The following TSPEAR variants were observed in gnomAD, a reference collection of about 807,000 sequenced individuals.
TSPEAR encodes thrombospondin type laminin G domain and EAR repeats.
TSPEAR carries 69 observed loss-of-function variants against 71.6 expected under a neutral mutation model. That is an observed-to-expected ratio of 0.96 (90% CI 0.79 to 1.18). The LOEUF (loss-of-function observed/expected upper bound fraction) is 1.18. Ranked by LOEUF, TSPEAR falls within the 50% of genes most tolerant of loss-of-function variation. The probability of loss-of-function intolerance (pLI) is 0.00; values close to 1 mark genes in which losing one functional copy is unlikely to be tolerated. For synonymous variants in TSPEAR, 402 were observed against 387.2 expected (o/e 1.04, Z -0.45); for missense variants, 971 against 894.9 (o/e 1.09, Z -1.09).
intron 1 of TSPEAR, among the ~76,000 whole-genome samples, chr21:44,592,956 C>T (rs1980096319): frequency 6.6e-6 from 1 of 152,214 alleles, no homozygotes; most frequent in African/African-American, 2.4e-5. Context: ...CCTTCATTGA[C>T]CTGCCCTGGG....
intron 1 of TSPEAR, among the ~76,000 whole-genome samples, chr21:44,645,059 T>C (rs1555939221): frequency 1.3e-5 from 2 of 152,196 alleles, no homozygotes; most frequent in Non-Finnish European, 2.9e-5. Context: ...AAAACCAGAA[T>C]TTTATACCCA....
intron 1 of TSPEAR, chr21:44,647,078 T>C: frequency 6.2e-7 from 1 of 1,612,808 alleles, no homozygotes; most frequent in Non-Finnish European, 8.5e-7. Flanking sequence ...TGTGTGCCTG[T>C]CTGCTCTAGG....
At chr21:44,619,164 G>T (rs1319346012) in intron 1 of TSPEAR, among the ~76,000 whole-genome samples, 1 of 152,180 alleles carries the variant, frequency 6.6e-6, no homozygotes, top group Non-Finnish European at 1.5e-5. Context: ...CTGAAGGCGT[G>T]GACCAACATA....
intron 2 of TSPEAR, among the ~76,000 whole-genome samples, chr21:44,543,015 A>C (rs1170960616): frequency 6.6e-6 from 1 of 152,220 alleles, no homozygotes; most frequent in Non-Finnish European, 1.5e-5. Context: ...AAAGAAAAGA[A>C]GCACAAAGCT....
chr21:44,646,968 G>A (rs960439483), intron 1 of TSPEAR: 1 of 1,612,988 alleles, frequency 6.2e-7, no homozygotes, highest in Non-Finnish European at 8.5e-7. Context: ...CATGCTGCCA[G>A]CAGTCTAGCT....
At chr21:44,634,384 G>A (rs1444176245) in intron 1 of TSPEAR, among the ~76,000 whole-genome samples, 2 of 152,190 alleles carry the variant, frequency 1.3e-5, no homozygotes, top group African/African-American at 4.8e-5. Flanking sequence ...AAAATTCTTA[G>A]AAGGAAACAT....
chr21:44,708,057 G>A (rs566405656), intron 1 of TSPEAR, among the ~76,000 whole-genome samples: 29 of 136,666 alleles, frequency 2.1e-4, no homozygotes, highest in Non-Finnish European at 3.2e-4. Context: ...CACACAGCAC[G>A]AGGCGACAGA....
rs144449038 is a variant in TSPEAR at position 44,527,335 on chromosome 21, G to A, written c.1106C>T (p.Thr369Met). Residue 369 changes from threonine to methionine, a missense_variant, in exon 7 of 12, where the codon ACG (threonine) becomes ATG (methionine). Transcript: ENST00000323084. Reference sequence around the variant, plus strand: ...ATGCCTCCAGGCCTGTGCTTGGTGCGTGGGGATGTTCTGATATGAGACGAA... The same window carrying A: ...ATGCCTCCAGGCCTGTGCTTGGTGCATGGGGATGTTCTGATATGAGACGAA... ...EKFVSYQNIP[T>M]HQAQAWRHFT... 246 of 1,614,188 alleles carry A rather than the reference G, an allele frequency of 1.5e-4. No homozygotes were observed. The highest frequency in any genetic ancestry group is 2.0e-4 in the Non-Finnish European group (232 of 1,180,040).
chr21:44,534,099 C>T (rs1212200954), intron 2 of TSPEAR, among the ~76,000 whole-genome samples, 176 bp from the exon 3 acceptor site: 1 of 128,436 alleles, frequency 7.8e-6, no homozygotes, highest in Admixed American at 8.0e-5. Context: ...TAGGGGCCTT[C>T]TAATTAGCCC....
chr21:44,711,462 T>G lies in TSPEAR; in HGVS notation c.53A>C (p.His18Pro). The G allele has an allele frequency of 6.2e-7, 1 of 1,610,864 alleles. No individual in the cohort carries two copies. Among genetic ancestry groups the G allele is most frequent in the South Asian group, 1.1e-5 (1 of 90,576 alleles). The change falls in exon 1 of 12, where the codon CAC becomes CCC. Residue 18 changes from histidine (H) to proline (P), a missense_variant. His to Pro is a moderately conservative substitution (Grantham distance 77). Coordinates refer to ENST00000323084, the MANE Select transcript of TSPEAR (RefSeq NM_144991.3). The surrounding 1 kb of genome is among the most constrained non-coding windows in gnomAD (Gnocchi z 4.5). ...CFVLPLAAPG[H>P]GTQGWEPCTD... ...GCAGGGCTCCCAACCCTGCGTGCCG[T>G]GGCCGGGGGCCGCCAGGGGCAGCAC...
At chr21:44,708,155 G>A (rs1262579003) in intron 1 of TSPEAR, among the ~76,000 whole-genome samples, 1 of 152,132 alleles carries the variant, frequency 6.6e-6, no homozygotes, top group African/African-American at 2.4e-5. Flanking sequence ...ATGCATTGGG[G>A]GTAACAGGCT....
At chr21:44,707,353 T>G (rs1275745321) in intron 1 of TSPEAR, among the ~76,000 whole-genome samples, 1 of 149,224 alleles carries the variant, frequency 6.7e-6, no homozygotes, top group Non-Finnish European at 1.5e-5. Flanking sequence ...TGAGGGGTAG[T>G]GGCAGAGGCG....
rs782362763 is a variant in TSPEAR, at chr21:44,540,202, G to C, written c.304-6279C>G. 16 of 1,590,228 alleles carry C rather than the reference G, an allele frequency of 1.0e-5. No homozygotes were observed. The South Asian group carries it at 1.1e-4, about 11-fold the overall frequency. On this transcript the variant is annotated intron_variant, in intron 2 of 11. Transcript: ENST00000323084. ...GGGAGGTGTGAGTGAGTGAGTGTGGGAGTCAGTGTGTGTGTGAGTGACTGA... is the reference window on the plus strand; with the variant it reads ...GGGAGGTGTGAGTGAGTGAGTGTGGCAGTCAGTGTGTGTGTGAGTGACTGA...
intron 1 of TSPEAR, chr21:44,646,383 A>C: frequency 1.1e-5 from 17 of 1,539,968 alleles, no homozygotes; most frequent in Non-Finnish European, 1.4e-5. Context: ...AGCCCTGAGC[A>C]CCTCACTCAC....
At chr21:44,591,450 G>T in intron 1 of TSPEAR, 1 of 1,613,976 alleles carries the variant, frequency 6.2e-7, no homozygotes, top group Non-Finnish European at 8.5e-7. Flanking sequence ...ACATGGGGCG[G>T]CAGAGGAGGG....
At chr21:44,581,360 A>G (rs587723137) in intron 1 of TSPEAR, among the ~76,000 whole-genome samples, 3 of 152,334 alleles carry the variant, frequency 2.0e-5, no homozygotes, top group Non-Finnish European at 4.4e-5. Context: ...CCTCACACTT[A>G]TATGATAGTT....
chr21:44,691,344 A>G (rs1353325290), intron 1 of TSPEAR, among the ~76,000 whole-genome samples: 1 of 152,198 alleles, frequency 6.6e-6, no homozygotes, highest in African/African-American at 2.4e-5. Flanking sequence ...TGTATCAGCC[A>G]TTACTCACAG....
intron 1 of TSPEAR, among the ~76,000 whole-genome samples, chr21:44,624,771 G>A (rs187091187): frequency 6.6e-6 from 1 of 152,136 alleles, no homozygotes; most frequent in South Asian, 2.1e-4. Context: ...TAAAAGCTGT[G>A]CTCAGCCTCA....
chr21:44,608,728 G>A (rs1184402565), intron 1 of TSPEAR, among the ~76,000 whole-genome samples: 1 of 152,160 alleles, frequency 6.6e-6, no homozygotes, highest in African/African-American at 2.4e-5. Flanking sequence ...TTAAAAGACT[G>A]ATCAACCTCA....
Sources: allele counts gnomAD v4.1 joint callset (sites outside exome capture counted in the v4.1 genomes callset), GRCh38; gene constraint gnomAD v4.1.1; non-coding constraint Gnocchi (gnomAD v3.1); transcripts MANE v1.5; gene names NCBI Gene and HGNC (gene_info 2026-07-23, HGNC 2026-07-21).